Variants in PKD1L3 observed in about 807,000 individuals in gnomAD.
PKD1L3 encodes polycystin 1 like 3, transient receptor potential channel interacting.
Under a neutral mutation model 184.1 loss-of-function variants are expected in PKD1L3, and 239 were observed. The observed-to-expected ratio is 1.30, with a 90% CI of 1.17 to 1.45. PKD1L3 has a LOEUF of 1.45. Ranked by LOEUF, PKD1L3 falls within the 40% of genes most tolerant of loss-of-function variation. The pLI, the probability that PKD1L3 is intolerant of heterozygous loss-of-function variation, is 0.00. For synonymous variants in PKD1L3, 996 were observed against 778.8 expected, an observed-to-expected ratio of 1.28 and a Z score of -4.64; for missense variants, 2,660 against 2,067.2, an observed-to-expected ratio of 1.29 and a Z score of -5.56.
At chr16:71,968,107 C>A in intron 13 of PKD1L3, 100 bp from the exon 14 acceptor site, 1 of 904,868 alleles carries the variant, frequency 1.1e-6, no homozygotes, top group South Asian at 1.6e-5. Context: ...CGGCAGGTGT[C>A]TGGCAGCCCT....
intron 2 of PKD1L3, among the ~76,000 whole-genome samples, chr16:71,997,056 G>A (rs921825491): frequency 1.3e-5 from 2 of 151,784 alleles, no homozygotes; most frequent in East Asian, 3.9e-4. Flanking sequence ...TAAGTAGAGA[G>A]AGGAAAGTGG....
rs780461351 is a variant in PKD1L3 at position 71,930,178 on chromosome 16, G to A, written c.4932C>T (p.Phe1644=). The stretch of plus-strand genomic sequence containing the variant: ...AGGTGCCCAGGACTGGGTCTAAAGC[G>A]AAAACCTGGGAAAACAATAAGAACA... The part of the protein sequence containing the change: ...LMGISHQEEV[F]ALDPVLGTFL... Residue 1644 remains phenylalanine, a synonymous_variant, in exon 29 of 30, where the codon TTC becomes TTT. Coordinates refer to ENST00000620267, the MANE Select transcript of PKD1L3 (RefSeq NM_181536.2). 69 of 1,537,836 alleles carry A rather than the reference G, an allele frequency of 4.5e-5. No homozygotes were observed. The highest frequency in any genetic ancestry group is 3.4e-4 in the South Asian group (28 of 82,686).
At chr16:71,983,934 A>G in intron 6 of PKD1L3, 102 bp downstream of exon 6, 1 of 1,438,270 alleles carries the variant, frequency 7.0e-7, no homozygotes, top group Non-Finnish European at 9.3e-7. Context: ...AAGTGCTGGG[A>G]TTACAGGCGT....
intron 7 of PKD1L3, among the ~76,000 whole-genome samples, chr16:71,981,523 C>T (rs1597360713): frequency 7.1e-6 from 1 of 140,734 alleles, no homozygotes; most frequent in African/African-American, 2.6e-5. Context: ...TATGCCAACA[C>T]TTTCCTAAAT....
At chr16:71,949,070 T>A (rs1424574144) in intron 21 of PKD1L3, among the ~76,000 whole-genome samples, 2 of 152,102 alleles carry the variant, frequency 1.3e-5, no homozygotes, top group East Asian at 3.8e-4. Context: ...CCCCAAATAA[T>A]AGATGAAACA....
Position 71,969,880 on chromosome 16 carries a change from G to A in PKD1L3, c.2179C>T (p.Gln727Ter). 6.5e-7 allele frequency: 1 copy of A among 1,547,252 alleles called. No homozygotes were observed. Among genetic ancestry groups the A allele is most frequent in the Non-Finnish European group, 8.7e-7 (1 of 1,143,140 alleles). ...WARKKDQADM[Q>*]KVKVTVLADN... ...TGAAATCAAAGTCTCATTACCTTCT[G>A]CATATCTGCTTGATCCTTTTTCCGA... Residue 727 changes from glutamine (Q) to a stop codon, truncating the protein, a stop_gained, in exon 13 of 30, where the codon CAG becomes TAG. Coordinates refer to ENST00000620267, the MANE Select transcript of PKD1L3 (RefSeq NM_181536.2). LOFTEE classifies it high-confidence loss of function.
chr16:71,982,701 A>G (rs1322718740), intron 6 of PKD1L3, among the ~76,000 whole-genome samples: 1 of 151,878 alleles, frequency 6.6e-6, no homozygotes, highest in East Asian at 1.9e-4. Context: ...GACTCAAGCA[A>G]TCCTCCTTCC....
chr16:71,991,377 G>C (rs1245297808), intron 3 of PKD1L3: 5 of 178,622 alleles, frequency 2.8e-5, no homozygotes. Flanking sequence ...AAAATCCTAA[G>C]GATAACCACT....
chr16:71,977,915 C>T (rs1292134859), intron 10 of PKD1L3, among the ~76,000 whole-genome samples: 1 of 152,114 alleles, frequency 6.6e-6, no homozygotes, highest in Non-Finnish European at 1.5e-5. Context: ...GCTGGGATAA[C>T]AGCCACCCAC....
At chr16:71,992,545 C>A (rs1367686184) in intron 3 of PKD1L3, among the ~76,000 whole-genome samples, 1 of 152,230 alleles carries the variant, frequency 6.6e-6, no homozygotes, top group African/African-American at 2.4e-5. Context: ...AATATGTCAT[C>A]TTTACTTCCA....
At chr16:71,941,562 T>C (rs900789916) in intron 24 of PKD1L3, among the ~76,000 whole-genome samples, 48 of 149,098 alleles carry the variant, frequency 3.2e-4, no homozygotes, top group African/African-American at 8.6e-4. Context: ...TTCCAGATGA[T>C]AGAACATTCT....
intron 9 of PKD1L3, 87 bp downstream of exon 9, chr16:71,979,699 C>T (rs978835524): frequency 3.6e-5 from 51 of 1,410,404 alleles, no homozygotes; most frequent in Non-Finnish European, 4.7e-5. Context: ...GTTCAGTTTA[C>T]ATTTCATGAT....
At chr16:71,992,081 A>G (rs1456228879) in intron 3 of PKD1L3, among the ~76,000 whole-genome samples, 2 of 152,094 alleles carry the variant, frequency 1.3e-5, no homozygotes, top group Non-Finnish European at 2.9e-5. Flanking sequence ...TCAGCCTCCC[A>G]CGGTGCTGGG....
chr16:71,949,247 T>G (rs1300102146), intron 21 of PKD1L3, among the ~76,000 whole-genome samples: 1 of 152,146 alleles, frequency 6.6e-6, no homozygotes, highest in Non-Finnish European at 1.5e-5. Context: ...GATTTGTTAC[T>G]GTCCTCTTCA....
chr16:71,978,472 T>C (rs948087827), intron 9 of PKD1L3, 89 bp from the exon 10 acceptor site: 3 of 419,370 alleles, frequency 7.2e-6, no homozygotes, highest in Non-Finnish European at 1.1e-5. Context: ...TACATATGTA[T>C]ATATGTGTGT....
chr16:71,973,544 G>T, intron 11 of PKD1L3, 27 bp from the exon 12 acceptor site: 1 of 1,531,358 alleles, frequency 6.5e-7, no homozygotes, highest in Non-Finnish European at 8.8e-7. Flanking sequence ...GTGCTTACTT[G>T]TATATCAAAT....
chr16:71,953,198 T>C, intron 17 of PKD1L3, 105 bp from the exon 18 acceptor site: 1 of 935,022 alleles, frequency 1.1e-6, no homozygotes, highest in Non-Finnish European at 1.5e-6. Flanking sequence ...TAACTACGTT[T>C]ATCTAGAGAT....
rs887574976 is a variant in PKD1L3, at chr16:71,993,221, G to C, written c.530C>G (p.Pro177Arg). The C allele has an allele frequency of 4.5e-6, 7 of 1,542,416 alleles. No individual in the cohort carries two copies. The highest frequency in any genetic ancestry group is 1.4e-5 in the African/African-American group (1 of 72,480). Residue 177 changes from proline (P) to arginine (R), a missense_variant, in exon 3 of 30, where the codon CCC (proline) becomes CGC (arginine). By Grantham distance (103) the Pro-to-Arg change is moderately radical. Coordinates refer to ENST00000620267, the MANE Select transcript of PKD1L3 (RefSeq NM_181536.2). Reference sequence around the variant, plus strand: ...CTAGAGGAGTAACGCATTACCTGGGGGCATTTTGTCTCTTGCTATTGCAAC... The same window carrying C: ...CTAGAGGAGTAACGCATTACCTGGGCGCATTTTGTCTCTTGCTATTGCAAC... ...RGVAIARDKM[P>R]PGPGHLPTTC...
intron 26 of PKD1L3, 64 bp from the exon 27 acceptor site, chr16:71,934,189 G>C: frequency 6.9e-7 from 1 of 1,453,752 alleles, no homozygotes; most frequent in Non-Finnish European, 9.4e-7. Context: ...AGTTTCCCCA[G>C]CGCCCCTGCT....
Sources: allele counts gnomAD v4.1 joint callset (sites outside exome capture counted in the v4.1 genomes callset), GRCh38; gene constraint gnomAD v4.1.1; transcripts MANE v1.5; gene names NCBI Gene and HGNC (gene_info 2026-07-23, HGNC 2026-07-21).